FIGN: variants seen among roughly 807,000 people sequenced by gnomAD.
The protein encoded by FIGN is fidgetin.
Under a neutral mutation model 51.3 loss-of-function variants are expected in FIGN, and 11 were observed. That is an observed-to-expected ratio of 0.21 (90% confidence interval 0.13 to 0.35). FIGN has a LOEUF of 0.35. Among genes scored for constraint, FIGN ranks in the 10% least tolerant of loss-of-function variants. The probability of loss-of-function intolerance (pLI) is 1.00; values close to 1 mark genes in which losing one functional copy is unlikely to be tolerated. For missense variants in FIGN, 857 were observed against 943.6 expected (o/e 0.91, Z 1.20); for synonymous variants, 407 against 363.2 (o/e 1.12, Z -1.37).
chr2:163,731,006 A>G (rs1015344413), intron 2 of FIGN, among the ~76,000 whole-genome samples: 1 of 152,150 alleles, frequency 6.6e-6, no homozygotes, highest in African/African-American at 2.4e-5. Flanking sequence ...TAGAAAGTTC[A>G]AACCTTAAAA....
chr2:163,694,814 T>A (rs1208841132), intron 2 of FIGN, among the ~76,000 whole-genome samples: 2 of 152,194 alleles, frequency 1.3e-5, no homozygotes, highest in East Asian at 3.9e-4. Context: ...AGTCCTTCTT[T>A]TCCTTTCTAA....
At chr2:163,666,509 T>C (rs1290593205) in intron 2 of FIGN, among the ~76,000 whole-genome samples, 16 of 152,168 alleles carry the variant, frequency 1.1e-4, no homozygotes, top group Admixed American at 9.8e-4. Flanking sequence ...CTCCAATGCT[T>C]ATTCCAATAT....
In FIGN at chr2:163,616,614, C is replaced by A. The variant is rs931757345; in HGVS notation, c.26-4808G>T. Among the ~76,000 whole-genome samples, 10 of 152,150 alleles carry A rather than the reference C, an allele frequency of 6.6e-5. No individual in the cohort carries two copies. The East Asian group carries it at 1.9e-3, about 29-fold the overall frequency. On this transcript the variant is annotated intron_variant, in intron 2 of 2. Transcript: ENST00000333129. ...TGCCTGCTCTAAAACAGATGCATAG[C>A]ACTCACACAGGCCTGCATGACAACA...
intron 2 of FIGN, among the ~76,000 whole-genome samples, chr2:163,689,230 A>G (rs1431450051): frequency 6.6e-6 from 1 of 151,898 alleles, no homozygotes; most frequent in Non-Finnish European, 1.5e-5. Flanking sequence ...AGATTATGAG[A>G]GGCTGGAGCA....
At chr2:163,654,117 G>A (rs1559010035) in intron 2 of FIGN, among the ~76,000 whole-genome samples, 1 of 152,038 alleles carries the variant, frequency 6.6e-6, no homozygotes, top group African/African-American at 2.4e-5. Flanking sequence ...TGGAAAATAA[G>A]AGCTTCCCCA....
intron 2 of FIGN, among the ~76,000 whole-genome samples, chr2:163,652,178 C>T (rs1683487203): frequency 1.3e-5 from 2 of 152,038 alleles, no homozygotes; most frequent in African/African-American, 2.4e-5. Context: ...AACAAAATAA[C>T]GTTGTAGCAA....
At chr2:163,622,207 T>A (rs1224106611) in intron 2 of FIGN, among the ~76,000 whole-genome samples, 1 of 152,032 alleles carries the variant, frequency 6.6e-6, no homozygotes, top group Admixed American at 6.6e-5. Context: ...GGTGTGGTGG[T>A]TAATGCCTGT....
chr2:163,610,875 T>C lies in FIGN; in HGVS notation c.957A>G (p.Lys319=). The change falls in exon 3 of 3, where the codon AAA becomes AAG. Residue 319 remains lysine (K), a synonymous_variant. Coordinates refer to ENST00000333129, the MANE Select transcript of FIGN (RefSeq NM_018086.4). ...TNSSASSLKR[K]AFYMAGQGDM... is the part of the protein sequence containing the mutation. ...CTCCTTGCCCTGCCATGTAGAAAGC[T>C]TTCCTTTTGAGAGAACTTGCTGAAC... The C allele has an allele frequency of 1.9e-6, 3 of 1,613,982 alleles. No homozygotes were observed. The highest frequency in any genetic ancestry group is 2.5e-6 in the Non-Finnish European group (3 of 1,180,004).
intron 2 of FIGN, among the ~76,000 whole-genome samples, chr2:163,704,046 A>AG (rs1684452174): frequency 6.6e-6 from 1 of 152,088 alleles, no homozygotes; most frequent in Non-Finnish European, 1.5e-5. Context: ...GGGAAAAAAA[A>AG]GTCTGTGTTC....
At chr2:163,614,710 G>A (rs1365831822) in intron 2 of FIGN, among the ~76,000 whole-genome samples, 2 of 151,920 alleles carry the variant, frequency 1.3e-5, no homozygotes, top group African/African-American at 2.4e-5. Flanking sequence ...GTTAAAGGAC[G>A]GCTTCCTTTC....
At chr2:163,651,431 G>A (rs1345013707) in intron 2 of FIGN, among the ~76,000 whole-genome samples, 2 of 152,148 alleles carry the variant, frequency 1.3e-5, no homozygotes, top group Admixed American at 1.3e-4. Flanking sequence ...ACTCCAGCCT[G>A]AGCGACACAG....
intron 2 of FIGN, among the ~76,000 whole-genome samples, chr2:163,724,204 G>C (rs1684804015): frequency 6.6e-6 from 1 of 152,112 alleles, no homozygotes; most frequent in East Asian, 1.9e-4. Context: ...TGCTGACACT[G>C]TCCTTCATCA....
At chr2:163,647,883 TAG>T (rs1419670309) in intron 2 of FIGN, among the ~76,000 whole-genome samples, 1 of 152,110 alleles carries the variant, frequency 6.6e-6, no homozygotes, top group Non-Finnish European at 1.5e-5. Flanking sequence ...AAGAGATATG[TAG>T]AGAGACGGAG....
At position 163,719,812 on chromosome 2, in the gene FIGN, A is replaced by G. The variant is rs117849495; in HGVS notation, c.25+15091T>C. On this transcript the variant is annotated intron_variant, in intron 2 of 2. Transcript: ENST00000333129. ...GACTAAAATTTTGAGGGATGGGGGA[A>G]GTTATTCATCCCAGTCTCATCCATA... Among the ~76,000 whole-genome samples the G allele has an allele frequency of 3.4e-3, 519 of 152,294 alleles. 6 individuals are homozygous for G. Among genetic ancestry groups the G allele is most frequent in the East Asian group, 0.021 (110 of 5,174 alleles).
chr2:163,714,778 T>C (rs976358466), intron 2 of FIGN, among the ~76,000 whole-genome samples: 3 of 152,236 alleles, frequency 2.0e-5, no homozygotes, highest in African/African-American at 7.2e-5. Flanking sequence ...ATTAATCTTA[T>C]ACCCATTAAT....
chr2:163,619,511 G>T (rs958948913), intron 2 of FIGN, among the ~76,000 whole-genome samples: 5 of 152,060 alleles, frequency 3.3e-5, no homozygotes, highest in African/African-American at 1.2e-4. Flanking sequence ...TCCATAGCAA[G>T]AAAATATTCA....
chr2:163,655,635 T>C (rs918941040), intron 2 of FIGN, among the ~76,000 whole-genome samples: 1 of 152,158 alleles, frequency 6.6e-6, no homozygotes, highest in Non-Finnish European at 1.5e-5. Context: ...TGGAAAATCA[T>C]GTTATATTCC....
intron 2 of FIGN, among the ~76,000 whole-genome samples, chr2:163,656,241 C>T (rs16848757): frequency 0.081 from 12,256 of 152,078 alleles, 1,594 homozygotes; most frequent in African/African-American, 0.28. Flanking sequence ...AGACATTTTT[C>T]CTGGATGCTA....
intron 2 of FIGN, among the ~76,000 whole-genome samples, chr2:163,681,715 G>A (rs142084227): frequency 2.4e-3 from 371 of 151,814 alleles, no homozygotes; most frequent in Non-Finnish European, 3.9e-3. Context: ...GACATTCACT[G>A]GGAAGTTCAT....
Sources: gnomAD v4.1 joint callset for allele counts (sites outside exome capture counted in the v4.1 genomes callset) on GRCh38, gnomAD v4.1.1 for gene constraint, MANE v1.5 for transcripts, NCBI Gene and HGNC (gene_info 2026-07-23, HGNC 2026-07-21) for gene names.